EIPR1: variants seen among roughly 807,000 people sequenced by gnomAD.
EIPR1 encodes the protein EARP complex and GARP complex interacting protein 1.
In EIPR1, 25 loss-of-function variants were observed where a neutral mutation model predicts 48.1. The observed-to-expected ratio is 0.52, with a 90% CI of 0.38 to 0.73. The LOEUF (loss-of-function observed/expected upper bound fraction) is 0.73. EIPR1 is among the 30% of genes least tolerant of loss of function. The pLI, the probability that EIPR1 is intolerant of heterozygous loss-of-function variation, is 0.00. For missense variants in EIPR1, 415 were observed against 506.2 expected (o/e 0.82, Z 1.73); for synonymous variants, 204 against 201.9 (o/e 1.01, Z -0.09).
At chr2:3,237,477 T>C (rs1204519804) in intron 4 of EIPR1, among the ~76,000 whole-genome samples, 1 of 152,178 alleles carries the variant, frequency 6.6e-6, no homozygotes, top group Non-Finnish European at 1.5e-5. Context: ...TCTTACTGCA[T>C]CTAATTTGCA....
At chr2:3,274,059 T>C (rs893455875) in intron 3 of EIPR1, among the ~76,000 whole-genome samples, 1 of 152,038 alleles carries the variant, frequency 6.6e-6, no homozygotes, top group Non-Finnish European at 1.5e-5. Flanking sequence ...AGATTAGAAA[T>C]AACTGGTGAG....
chr2:3,350,144 A>AAAAAAAC (rs1670529076), intron 2 of EIPR1, among the ~76,000 whole-genome samples: 1 of 128,258 alleles, frequency 7.8e-6, no homozygotes, highest in Non-Finnish European at 1.7e-5. Flanking sequence ...AAAAAAAAAA[A>AAAAAAAC]CTACCTGATA....
chr2:3,347,860 C>T (rs1008008376), intron 2 of EIPR1, among the ~76,000 whole-genome samples: 27 of 152,200 alleles, frequency 1.8e-4, no homozygotes, highest in African/African-American at 5.8e-4. Context: ...GATCAGGCCT[C>T]ATCGAAAGGA....
At chr2:3,331,127 G>C (rs1669886594) in intron 3 of EIPR1, among the ~76,000 whole-genome samples, 1 of 134,666 alleles carries the variant, frequency 7.4e-6, no homozygotes, top group East Asian at 2.4e-4. Context: ...GAGGTGGTGT[G>C]AGCAGAAGCA....
At chr2:3,277,648 TGA>T (rs1462070372) in intron 3 of EIPR1, among the ~76,000 whole-genome samples, 1 of 152,220 alleles carries the variant, frequency 6.6e-6, no homozygotes, top group Non-Finnish European at 1.5e-5. Context: ...CTGACTAGGC[TGA>T]GTAACGCCCA....
At chr2:3,197,527 A>G (rs1198314522) in intron 5 of EIPR1, among the ~76,000 whole-genome samples, 1 of 152,200 alleles carries the variant, frequency 6.6e-6, no homozygotes, top group African/African-American at 2.4e-5. Context: ...CGAGCTGACC[A>G]TGAAGGCCTC....
chr2:3,329,183 G>A (rs551806490), intron 3 of EIPR1, among the ~76,000 whole-genome samples: 1 of 149,088 alleles, frequency 6.7e-6, no homozygotes, highest in Non-Finnish European at 1.5e-5. Context: ...ATGATCTCAG[G>A]GCACCAGCTG....
chr2:3,217,346 C>A (rs1030841862), intron 4 of EIPR1, among the ~76,000 whole-genome samples: 4 of 152,238 alleles, frequency 2.6e-5, no homozygotes, highest in Middle Eastern at 3.4e-3. Flanking sequence ...GGGGTTTACC[C>A]GCAGTAAGCT....
intron 3 of EIPR1, among the ~76,000 whole-genome samples, chr2:3,287,901 C>T (rs1264347467): frequency 7.0e-6 from 1 of 143,232 alleles, no homozygotes; most frequent in Non-Finnish European, 1.5e-5. Context: ...ATGCTGTAGC[C>T]CCTATGTACC....
chr2:3,284,885 C>G (rs764877625), intron 3 of EIPR1, among the ~76,000 whole-genome samples: 2 of 152,100 alleles, frequency 1.3e-5, no homozygotes, highest in Non-Finnish European at 2.9e-5. Flanking sequence ...CGGGGTAGAT[C>G]GTGGTGAGGT....
chr2:3,306,735 C>G lies in EIPR1; in HGVS notation c.259+31282G>C, dbSNP rs188289600. On this transcript the variant is annotated intron_variant, in intron 3 of 8. Transcript: ENST00000382125. The stretch of plus-strand genomic sequence containing the variant: ...AAAGCTCTTCATCCTGTCGTCTTCA[C>G]ACTGAGCAGACTGAGGAGGAGGAAG... Among the ~76,000 whole-genome samples, 5 of 152,266 alleles carry G rather than the reference C, an allele frequency of 3.3e-5. No homozygotes were observed. The East Asian group carries it at 5.8e-4, about 18-fold the overall frequency.
At chr2:3,214,288 T>TG in intron 4 of EIPR1, 40 bp from the exon 5 acceptor site, 2 of 1,582,584 alleles carry the variant, frequency 1.3e-6, no homozygotes, top group Non-Finnish European at 1.7e-6. Flanking sequence ...CATAAACATT[T>TG]GAGATACCCA....
chr2:3,337,690 G>A (rs1670108639), intron 3 of EIPR1, among the ~76,000 whole-genome samples: 1 of 152,164 alleles, frequency 6.6e-6, no homozygotes, highest in African/African-American at 2.4e-5. Context: ...GGAAAGAGAT[G>A]AATCCCTGCT....
rs55667121 is a variant in EIPR1 at position 3,341,095 on chromosome 2, C to CAAAAAAAA, written c.127-2954_127-2947dup. 5.1e-3 allele frequency among the ~76,000 whole-genome samples: 113 copies of CAAAAAAAA among 22,196 alleles called. 1 individual carries two copies. The highest frequency in any genetic ancestry group is 7.4e-3 in the Non-Finnish European group (74 of 9,990). The allele number at this position is 22,196 out of a possible 152,430, so 14.6% of individuals were successfully genotyped here. ...TGGGTGACAGAGTGAGATCCTGTCT[C>CAAAAAAAA]AAAAAAAAAAAAAAAAAAAAAAAAA... On this transcript the variant is annotated intron_variant, in intron 2 of 8. Transcript: ENST00000382125.
At chr2:3,313,527 A>G (rs1243369149) in intron 3 of EIPR1, among the ~76,000 whole-genome samples, 1 of 152,150 alleles carries the variant, frequency 6.6e-6, no homozygotes, top group Non-Finnish European at 1.5e-5. Flanking sequence ...TCCCACAAGT[A>G]TTATTCCCAT....
intron 3 of EIPR1, among the ~76,000 whole-genome samples, chr2:3,263,394 A>C (rs6752993): frequency 6.6e-6 from 1 of 152,186 alleles, no homozygotes; most frequent in Non-Finnish European, 1.5e-5. Context: ...AACAGGAAGA[A>C]GTTCATCCGA....
intron 3 of EIPR1, among the ~76,000 whole-genome samples, chr2:3,267,038 C>A (rs1667510737): frequency 6.6e-6 from 1 of 152,192 alleles, no homozygotes; most frequent in South Asian, 2.1e-4. Context: ...ACCCCCACAC[C>A]CTGAATCAAT....
intron 4 of EIPR1, among the ~76,000 whole-genome samples, chr2:3,230,264 C>G (rs747503161): frequency 2.0e-5 from 3 of 152,168 alleles, no homozygotes; most frequent in Non-Finnish European, 4.4e-5. Flanking sequence ...AACGCACACA[C>G]GTCTTGGCCA....
At chr2:3,225,222 ATG>A (rs61557621) in intron 4 of EIPR1, among the ~76,000 whole-genome samples, 30,389 of 136,600 alleles carry the variant, frequency 0.22, 3,118 homozygotes, top group African/African-American at 0.23. Flanking sequence ...ACACTGTGAT[ATG>A]TGTGTGTGTG....
Sources: allele counts gnomAD v4.1 joint callset (sites outside exome capture counted in the v4.1 genomes callset), GRCh38; gene constraint gnomAD v4.1.1; transcripts MANE v1.5; gene names NCBI Gene and HGNC (gene_info 2026-07-23, HGNC 2026-07-21).